STEAP1B: variants seen among roughly 807,000 people sequenced by gnomAD.
The protein encoded by STEAP1B is STEAP family protein MGC87042.
In STEAP1B, 13 loss-of-function variants were observed where a neutral mutation model predicts 27.9. That is an observed-to-expected ratio of 0.47 (90% CI 0.30 to 0.74). The LOEUF (loss-of-function observed/expected upper bound fraction) is 0.74, where lower values mean the gene tolerates loss of function less well. STEAP1B is among the 30% of genes least tolerant of loss of function. The pLI is 0.06. For missense variants in STEAP1B, 250 were observed against 298.7 expected (o/e 0.84, Z 1.20); for synonymous variants, 86 against 107.1 (o/e 0.80, Z 1.22).
intron 4 of STEAP1B, chr7:22,438,384 A>C (rs1785281242): frequency 7.2e-6 from 9 of 1,257,878 alleles, no homozygotes; most frequent in Non-Finnish European, 9.6e-6. Context: ...TAATTGGAGT[A>C]AGTTTGGTAG....
intron 4 of STEAP1B, among the ~76,000 whole-genome samples, chr7:22,480,906 T>C (rs918654121): frequency 6.6e-6 from 1 of 152,198 alleles, no homozygotes; most frequent in Non-Finnish European, 1.5e-5. Context: ...TCTCTGTCCA[T>C]GGGACCACAA....
intron 4 of STEAP1B, among the ~76,000 whole-genome samples, chr7:22,435,794 G>A (rs1391198725): frequency 6.6e-6 from 1 of 152,182 alleles, no homozygotes; most frequent in African/African-American, 2.4e-5. Flanking sequence ...TGGGCTTCAT[G>A]GAGACCAGCA....
At chr7:22,443,528 C>T (rs981399039) in intron 4 of STEAP1B, among the ~76,000 whole-genome samples, 2 of 152,158 alleles carry the variant, frequency 1.3e-5, no homozygotes, top group African/African-American at 2.4e-5. Flanking sequence ...TGTGGCTGAA[C>T]GTTAAAGCAA....
chr7:22,425,884 T>C (rs745999310), intron 4 of STEAP1B, among the ~76,000 whole-genome samples: 2 of 152,274 alleles, frequency 1.3e-5, no homozygotes, highest in Non-Finnish European at 2.9e-5. Flanking sequence ...TTCCCAGAAC[T>C]ACTTCCCATT....
At chr7:22,452,772 G>C (rs1182776899) in intron 4 of STEAP1B, among the ~76,000 whole-genome samples, 1 of 152,114 alleles carries the variant, frequency 6.6e-6, no homozygotes, top group African/African-American at 2.4e-5. Context: ...CCCCAAGCTC[G>C]AGAAATCTTC....
chr7:22,423,810 C>T (rs533704190), intron 4 of STEAP1B, among the ~76,000 whole-genome samples: 171 of 152,314 alleles, frequency 1.1e-3, no homozygotes, highest in African/African-American at 4.0e-3. Flanking sequence ...GGGCAAATCG[C>T]TTGAGTCCAG....
At chr7:22,439,129 C>G (rs2528844) in intron 4 of STEAP1B, among the ~76,000 whole-genome samples, 1 of 151,892 alleles carries the variant, frequency 6.6e-6, no homozygotes, top group Admixed American at 6.6e-5. Flanking sequence ...TAAAGAAGCA[C>G]CAGCTTCTAC....
chr7:22,462,262 G>A (rs1785690302), intron 4 of STEAP1B, among the ~76,000 whole-genome samples: 1 of 150,382 alleles, frequency 6.6e-6, no homozygotes, highest in African/African-American at 2.5e-5. Context: ...TTAAGTTTTA[G>A]GGTACATGTG....
chr7:22,482,887 T>C (rs1312147854), intron 4 of STEAP1B, among the ~76,000 whole-genome samples: 1 of 152,198 alleles, frequency 6.6e-6, no homozygotes, highest in Non-Finnish European at 1.5e-5. Context: ...GGCTTTGAAC[T>C]GGGGAGACAT....
At chr7:22,468,608 C>T (rs1358361515) in intron 4 of STEAP1B, among the ~76,000 whole-genome samples, 3 of 152,210 alleles carry the variant, frequency 2.0e-5, no homozygotes, top group Non-Finnish European at 2.9e-5. Flanking sequence ...GACCTGCACA[C>T]AAACACTATA....
At chr7:22,484,716 G>A (rs181660525) in intron 4 of STEAP1B, among the ~76,000 whole-genome samples, 3 of 152,270 alleles carry the variant, frequency 2.0e-5, no homozygotes, top group Admixed American at 1.3e-4. Context: ...TAATGGATCT[G>A]GGCAAAGTCA....
intron 4 of STEAP1B, among the ~76,000 whole-genome samples, chr7:22,424,420 A>G (rs1475403092): frequency 6.6e-6 from 1 of 152,224 alleles, no homozygotes; most frequent in Non-Finnish European, 1.5e-5. Flanking sequence ...ATTCAACCCT[A>G]AGAATAATCA....
chr7:22,493,326 G>A lies in STEAP1B; in HGVS notation c.595C>T (p.Gln199Ter), dbSNP rs770800853. The A allele has an allele frequency of 6.2e-7, 1 of 1,610,214 alleles. No individual in the cohort carries two copies. The highest frequency in any genetic ancestry group is 2.2e-5 in the East Asian group (1 of 44,824). The stretch of plus-strand genomic sequence containing the variant: ...CAGTGACATCATTGTCATCTCACCT[G>A]TTGATATGCCCAGTTTAGCAACTTG... ...RYKLLNWAYQ[Q>*]VQQNKEDAWI... The change falls in exon 3 of 5, where the codon CAG becomes TAG. Residue 199 changes from glutamine to a stop codon, truncating the protein, a stop_gained and splice_region_variant. Coordinates refer to ENST00000678116, the MANE Select transcript of STEAP1B (RefSeq NM_001382447.1). LOFTEE classifies it high-confidence loss of function.
At chr7:22,422,497 T>G (rs948141248) in intron 4 of STEAP1B, among the ~76,000 whole-genome samples, 2 of 150,472 alleles carry the variant, frequency 1.3e-5, no homozygotes, top group African/African-American at 2.4e-5. Context: ...TTGTGTAATT[T>G]TTTTTTTTTT....
At chr7:22,499,664 G>T (rs1175938890) in intron 1 of STEAP1B, among the ~76,000 whole-genome samples, 1 of 152,114 alleles carries the variant, frequency 6.6e-6, no homozygotes, top group Non-Finnish European at 1.5e-5. Flanking sequence ...GTGTTCTAAG[G>T]ACTGAAAATG....
At chr7:22,495,732 T>G (rs1296407322) in intron 1 of STEAP1B, among the ~76,000 whole-genome samples, 1 of 151,970 alleles carries the variant, frequency 6.6e-6, no homozygotes, top group East Asian at 1.9e-4. Context: ...ACATCCCAAG[T>G]GTTTCTGAAT....
intron 1 of STEAP1B, among the ~76,000 whole-genome samples, chr7:22,498,647 C>A (rs1302490767): frequency 1.3e-5 from 2 of 152,184 alleles, no homozygotes; most frequent in Non-Finnish European, 2.9e-5. Flanking sequence ...AGAAGGCAGG[C>A]ATTTCAACTG....
intron 1 of STEAP1B, among the ~76,000 whole-genome samples, chr7:22,495,167 T>C (rs1297033724): frequency 1.3e-5 from 2 of 152,244 alleles, no homozygotes; most frequent in Non-Finnish European, 2.9e-5. Context: ...ATGTTGCCTT[T>C]TACTTTAGGA....
At chr7:22,440,946 T>C (rs1439722831) in intron 4 of STEAP1B, among the ~76,000 whole-genome samples, 2 of 150,440 alleles carry the variant, frequency 1.3e-5, no homozygotes, top group Non-Finnish European at 3.0e-5. Context: ...TTTTAAAAAG[T>C]AGAATATTAA....
Sources: gnomAD v4.1 joint callset for allele counts (sites outside exome capture counted in the v4.1 genomes callset) on GRCh38, gnomAD v4.1.1 for gene constraint, MANE v1.5 for transcripts, NCBI Gene and HGNC (gene_info 2026-07-23, HGNC 2026-07-21) for gene names.